Variants in KHDC4 observed in about 807,000 individuals in gnomAD.
The protein encoded by KHDC4 is KH domain containing 4, pre-mRNA splicing factor.
A neutral mutation model predicts 74.5 loss-of-function variants in KHDC4; 19 were observed. The observed-to-expected ratio is 0.26, with a 90% CI of 0.18 to 0.37. The LOEUF is 0.37. Ranked by LOEUF, KHDC4 falls within the 10% of genes least tolerant of loss-of-function variation. The pLI is 1.00. For missense variants in KHDC4, 632 were observed against 754.1 expected, an observed-to-expected ratio of 0.84 and a Z score of 1.90; for synonymous variants, 253 against 266.1, an observed-to-expected ratio of 0.95 and a Z score of 0.48.
intron 2 of KHDC4, chr1:155,932,649 G>A (rs929964845): frequency 2.0e-5 from 3 of 152,166 alleles, no homozygotes; most frequent in African/African-American, 7.2e-5. Context: ...ATAAATGGAT[G>A]ACTGACTCAC....
Position 155,926,693 on chromosome 1 carries a change from G to A in KHDC4, c.664C>T (p.Pro222Ser). 6.2e-7 allele frequency: 1 copy of A among 1,614,132 alleles called. No homozygotes were observed. Among genetic ancestry groups the A allele is most frequent in the Non-Finnish European group, 8.5e-7 (1 of 1,180,032 alleles). The change falls in exon 6 of 14, where the codon CCT becomes TCT. Residue 222 changes from proline (P) to serine (S), a missense_variant. By Grantham distance (74) the Pro-to-Ser change is moderately conservative (BLOSUM62 -1). Around this residue, in one of 4 missense-constraint regions of KHDC4, gnomAD observed 233 missense variants for 342.6 expected, o/e 0.68. Transcript: ENST00000368321. ...AAACATACCCCTGACTGGAAGGGAGGCTTCTGGCTAACAGCTGGAGACAAC... is the reference window on the plus strand; with the variant it reads ...AAACATACCCCTGACTGGAAGGGAGACTTCTGGCTAACAGCTGGAGACAAC... ...AQLSPAVSQKPPFQSGMHYVQ... is the reference protein window; with the variant it reads ...AQLSPAVSQKSPFQSGMHYVQ...
At chr1:155,918,058 C>A (rs1218376082) in intron 10 of KHDC4, among the ~76,000 whole-genome samples, 2 of 152,134 alleles carry the variant, frequency 1.3e-5, no homozygotes, top group East Asian at 3.8e-4. Context: ...ATTTCATCTT[C>A]CACTCCCTTA....
rs746498542 is a variant in KHDC4, at chr1:155,923,643, T to G, written c.938A>C (p.Glu313Ala). ...EGLAAAKKLC[E>A]NLLQTVHAEY... ...ACAACTCACTGTTTGCAAAAGATTC[T>G]CACAAAGCTTCTTGGCAGCAGCCAG... Residue 313 changes from glutamate (E) to alanine (A), a missense_variant, in exon 8 of 14, where the codon GAG (glutamate) becomes GCG (alanine). By Grantham distance (107) the Glu-to-Ala change is moderately radical (BLOSUM62 -1). Around this residue, in one of 4 missense-constraint regions of KHDC4, gnomAD observed 233 missense variants for 342.6 expected, o/e 0.68. Coordinates refer to ENST00000368321, the MANE Select transcript of KHDC4 (RefSeq NM_014949.4). The G allele has an allele frequency of 1.2e-6, 2 of 1,613,638 alleles. No homozygotes were observed. The highest frequency in any genetic ancestry group is 1.7e-5 in the Admixed American group (1 of 60,004).
Position 155,917,618 on chromosome 1 carries a change from C to T in KHDC4, c.1321G>A (p.Ala441Thr). ...PAAPVKTALP[A>T]GPQPQPQPQP... ...GGCTGGGGCTGGGGCTGGGGGCCAG[C>T]AGGCAAGGCAGTTTTGACAGGAGCA... Residue 441 changes from alanine (A) to threonine (T), a missense_variant, in exon 11 of 14, where the codon GCT becomes ACT. Around this residue, in one of 4 missense-constraint regions of KHDC4, gnomAD observed 254 missense variants for 267.4 expected, o/e 0.95. Transcript: ENST00000368321. 1 of 1,600,510 alleles carries T rather than the reference C, an allele frequency of 6.2e-7. No individual in the cohort carries two copies. Among genetic ancestry groups the T allele is most frequent in the South Asian group, 1.1e-5 (1 of 90,020 alleles).
intron 7 of KHDC4, among the ~76,000 whole-genome samples, chr1:155,924,986 A>C: frequency 6.8e-6 from 1 of 146,514 alleles, no homozygotes; most frequent in African/African-American, 2.5e-5. Flanking sequence ...GCCTCAGCCT[A>C]CTGAGCAGCT....
At chr1:155,921,354 T>C (rs777198452) in intron 10 of KHDC4, 21 bp downstream of exon 10, 2 of 1,611,392 alleles carry the variant, frequency 1.2e-6, no homozygotes, top group Admixed American at 3.3e-5. Context: ...TAATATGTTG[T>C]TGCATATCCT....
intron 4 of KHDC4, among the ~76,000 whole-genome samples, chr1:155,927,833 CACACACACACACACA>C (rs1157966946): frequency 4.4e-4 from 3 of 6,756 alleles, no homozygotes; most frequent in African/African-American, 1.1e-3. Flanking sequence ...AAAAAAAAAC[CACACACACACACACA>C]CACACACACA....
At chr1:155,929,638 G>A (rs529481308) in intron 3 of KHDC4, 74 bp downstream of exon 3, 70 of 1,497,398 alleles carry the variant, frequency 4.7e-5, no homozygotes, top group Admixed American at 1.5e-4. Flanking sequence ...AATATCTGAC[G>A]CCTGTCTATT....
At chr1:155,931,290 C>CAAAAAAAAAA (rs55769714) in intron 2 of KHDC4, among the ~76,000 whole-genome samples, 1 of 109,660 alleles carries the variant, frequency 9.1e-6, no homozygotes, top group Non-Finnish European at 1.8e-5. Flanking sequence ...ACTCTATCAC[C>CAAAAAAAAAA]AAAAAAAAAA....
At chr1:155,914,406 GTTAATT>G in intron 13 of KHDC4, 86 bp from the exon 14 acceptor site, 1 of 1,151,274 alleles carries the variant, frequency 8.7e-7, no homozygotes, top group South Asian at 1.4e-5. Flanking sequence ...AAAAAAAGAT[GTTAATT>G]TTAAGTGGTT....
rs1673678607 is a variant in KHDC4, at chr1:155,913,925, CA to C, written c.*195del. The C allele has an allele frequency of 5.3e-6, 3 of 567,428 alleles. No homozygotes were observed. The highest frequency in any genetic ancestry group is 3.2e-5 in the Admixed American group (1 of 31,580). 35.1% of individuals were successfully genotyped at this position (567,428 alleles called of 1,614,324 possible). Reference sequence around the variant, plus strand: ...ATTTGTGATTCTAATTAAATTTTAACAGATTCTATGCCACTGCAGAAATAAG... The same window carrying C: ...ATTTGTGATTCTAATTAAATTTTAACGATTCTATGCCACTGCAGAAATAAG... On this transcript the variant is annotated 3_prime_UTR_variant, in exon 14 of 14. Coordinates refer to ENST00000368321, the MANE Select transcript of KHDC4 (RefSeq NM_014949.4).
chr1:155,929,503 T>C, intron 3 of KHDC4, 128 bp from the exon 4 acceptor site: 2 of 999,504 alleles, frequency 2.0e-6, no homozygotes, highest in African/African-American at 1.6e-5. Flanking sequence ...ATCTGAAATT[T>C]TGATTCCATG....
chr1:155,924,923 G>A (rs567505291), intron 7 of KHDC4, among the ~76,000 whole-genome samples: 3 of 151,916 alleles, frequency 2.0e-5, no homozygotes, highest in South Asian at 2.1e-4. Context: ...GAGTGCAGTG[G>A]TGCAAACACA....
chr1:155,921,766 T>C, intron 9 of KHDC4, 95 bp downstream of exon 9: 1 of 1,392,790 alleles, frequency 7.2e-7, no homozygotes, highest in Non-Finnish European at 1.0e-6. Flanking sequence ...AAAGGGAACA[T>C]TAATAGTGCC....
chr1:155,917,590 T>TGGGCCTGGGGCTGGGGCTGGGGGCC lies in KHDC4; in HGVS notation c.1348_1349insGGCCCCCAGCCCCAGCCCCAGGCCC (p.Gln450ArgfsTer30). The TGGGCCTGGGGCTGGGGCTGGGGGCC allele has an allele frequency of 3.3e-6, 1 of 307,232 alleles. No individual in the cohort carries two copies. Among genetic ancestry groups the TGGGCCTGGGGCTGGGGCTGGGGGCC allele is most frequent in the Non-Finnish European group, 5.2e-6 (1 of 192,498 alleles). 19.0% of individuals were successfully genotyped at this position (307,232 alleles called of 1,614,324 possible). ...CTGGGGCTGACTTGGGAGTGGGGGCTGGGGCTGGGGCTGGGGCTGGGGGCC... is the reference window on the plus strand; with the variant it reads ...CTGGGGCTGACTTGGGAGTGGGGGCTGGGCCTGGGGCTGGGGCTGGGGGCCGGGGCTGGGGCTGGGGCTGGGGGCC... On this transcript the variant is annotated frameshift_variant, in exon 11 of 14. Transcript: ENST00000368321. LOFTEE classifies it high-confidence loss of function.
At chr1:155,929,063 T>C (rs2102608202) in intron 4 of KHDC4, among the ~76,000 whole-genome samples, 1 of 152,286 alleles carries the variant, frequency 6.6e-6, no homozygotes, top group Middle Eastern at 3.4e-3. Context: ...TTTTACACTT[T>C]CCTATAATTT....
chr1:155,925,991 T>C (rs1450354951), intron 6 of KHDC4, 148 bp from the exon 7 acceptor site: 5 of 792,518 alleles, frequency 6.3e-6, no homozygotes, highest in African/African-American at 1.7e-5. Flanking sequence ...CCTGTGATAC[T>C]CTTCAGTGAA....
chr1:155,927,855 CACACACACACACACACACA>C (rs1674050032), intron 4 of KHDC4, among the ~76,000 whole-genome samples: 2 of 46,518 alleles, frequency 4.3e-5, no homozygotes, highest in African/African-American at 9.3e-5. Context: ...CACACACACA[CACACACACACACACACACA>C]AAATTAATGG....
chr1:155,927,920 A>C (rs1428770975), intron 4 of KHDC4, among the ~76,000 whole-genome samples: 1 of 149,994 alleles, frequency 6.7e-6, no homozygotes, highest in Non-Finnish European at 1.5e-5. Context: ...AAACCTCTTA[A>C]GGTCTACATC....
Sources: allele counts gnomAD v4.1 joint callset (sites outside exome capture counted in the v4.1 genomes callset), GRCh38; gene constraint gnomAD v4.1.1; regional missense constraint gnomAD v4.1.1; transcripts MANE v1.5; gene names NCBI Gene and HGNC (gene_info 2026-07-23, HGNC 2026-07-21).